The following TOP3A variants were observed in gnomAD, a reference collection of about 807,000 sequenced individuals.
TOP3A encodes DNA topoisomerase III alpha.
Under a neutral mutation model 111.3 loss-of-function variants are expected in TOP3A, and 64 were observed. That is an observed-to-expected ratio of 0.57 (90% confidence interval 0.47 to 0.71). TOP3A has a LOEUF of 0.71. Among genes scored for constraint, TOP3A ranks in the 30% least tolerant of loss-of-function variants. TOP3A has a pLI of 0.00. For missense variants in TOP3A, 1,104 were observed against 1,285.0 expected (o/e 0.86, Z 2.15); for synonymous variants, 484 against 485.1 (o/e 1.00, Z 0.03).
intron 13 of TOP3A, among the ~76,000 whole-genome samples, chr17:18,288,201 G>A (rs1369227905): frequency 2.4e-4 from 33 of 136,590 alleles, no homozygotes; most frequent in Admixed American, 1.6e-3. Context: ...CACCAAGGCT[G>A]AAGTGCAGTG....
At chr17:18,282,936 G>A (rs1406005654) in intron 15 of TOP3A, 95 bp from the exon 16 acceptor site, 7 of 1,510,136 alleles carry the variant, frequency 4.6e-6, no homozygotes, top group Non-Finnish European at 4.5e-6. Flanking sequence ...GTGACCTTGA[G>A]AACCAGCTGG....
chr17:18,295,954 A>G (rs895414130), intron 9 of TOP3A, among the ~76,000 whole-genome samples: 1 of 150,756 alleles, frequency 6.6e-6, no homozygotes, highest in African/African-American at 2.4e-5. Flanking sequence ...TTTTTAGTAG[A>G]GACAGGGTTT....
At chr17:18,297,698 T>G (rs1290805164) in intron 9 of TOP3A, among the ~76,000 whole-genome samples, 4 of 151,994 alleles carry the variant, frequency 2.6e-5, no homozygotes, top group African/African-American at 9.7e-5. Flanking sequence ...GTGCCGGGAT[T>G]GCAGACGGAG....
Position 18,273,220 on chromosome 17 carries a change from C to T in TOP3A, c.*1582G>A, listed in dbSNP as rs1979106354. On this transcript the variant is annotated 3_prime_UTR_variant, in exon 19 of 19. Coordinates refer to ENST00000321105, the MANE Select transcript of TOP3A (RefSeq NM_004618.5). ...TCCTAGTTTCTTCAACAACTAGCAACATGACTGGGCAACTCACACCCACCT... is the reference window on the plus strand; with the variant it reads ...TCCTAGTTTCTTCAACAACTAGCAATATGACTGGGCAACTCACACCCACCT... 1.3e-5 allele frequency: 2 copies of T among 152,258 alleles called. No individual in the cohort carries two copies. Among genetic ancestry groups the T allele is most frequent in the African/African-American group, 2.4e-5 (1 of 41,460 alleles). The allele number at this position is 152,258 out of a possible 1,614,324, so 9.4% of individuals were successfully genotyped here. A position where few individuals can be genotyped will look rare whatever the true frequency, so the allele number is the denominator to read the frequency against.
chr17:18,309,567 C>T (rs1374471445), intron 1 of TOP3A, among the ~76,000 whole-genome samples: 1 of 151,776 alleles, frequency 6.6e-6, no homozygotes, highest in African/African-American at 2.4e-5. Flanking sequence ...TCACTTGAGC[C>T]CAGGAGGTGG....
rs1253924932 is a variant in TOP3A at position 18,274,601 on chromosome 17, A to G, written c.*201T>C. 6 of 819,218 alleles carry G rather than the reference A, an allele frequency of 7.3e-6. No individual in the cohort carries two copies. The African/African-American group carries it at 8.6e-5, about 12-fold the overall frequency. The allele number at this position is 819,218 out of a possible 1,614,324, so 50.7% of individuals were successfully genotyped here. On this transcript the variant is annotated 3_prime_UTR_variant, in exon 19 of 19. Coordinates refer to ENST00000321105, the MANE Select transcript of TOP3A (RefSeq NM_004618.5). ...ATGGTCACTCCTGAGGCCTGGGAAG[A>G]GGGTCACTGTCCAGCAGAGCTGGCC...
intron 18 of TOP3A, among the ~76,000 whole-genome samples, chr17:18,275,979 A>C (rs775724035): frequency 6.6e-6 from 1 of 152,150 alleles, no homozygotes; most frequent in Non-Finnish European, 1.5e-5. Flanking sequence ...TTATACAGCC[A>C]TGTACACCCC....
At chr17:18,296,222 T>C (rs1047194081) in intron 9 of TOP3A, among the ~76,000 whole-genome samples, 9 of 152,192 alleles carry the variant, frequency 5.9e-5, no homozygotes, top group Admixed American at 4.6e-4. Context: ...CTAACAATGC[T>C]GATGACTATA....
At chr17:18,282,588 C>T in intron 16 of TOP3A, 110 bp downstream of exon 16, 1 of 1,501,184 alleles carries the variant, frequency 6.7e-7, no homozygotes, top group South Asian at 1.2e-5. Context: ...TTGGCAACAA[C>T]AGGCCTGTCT....
At position 18,299,337 on chromosome 17, in the gene TOP3A, G is replaced by C. The variant is rs576200321; in HGVS notation, c.990+222C>G. Reference sequence around the variant, plus strand: ...TCCCAGCTACTTGGGAGGCTGAGGTGGGAAGATCTCTTGAGCCCAGAAGTT... The same window carrying C: ...TCCCAGCTACTTGGGAGGCTGAGGTCGGAAGATCTCTTGAGCCCAGAAGTT... On this transcript the variant is annotated intron_variant, in intron 9 of 18. Coordinates refer to ENST00000321105, the MANE Select transcript of TOP3A (RefSeq NM_004618.5). Among the ~76,000 whole-genome samples the C allele has an allele frequency of 8.5e-5, 13 of 152,198 alleles. No individual in the cohort carries two copies. The South Asian group carries it at 2.7e-3, about 32-fold the overall frequency.
chr17:18,301,883 A>G lies in TOP3A; in HGVS notation c.915+2T>C, dbSNP rs762364976. On this transcript the variant is annotated splice_donor_variant, in intron 8 of 18. Transcript: ENST00000321105. LOFTEE classifies it high-confidence loss of function. ...GTTTCCTAGATCATTAGGGGTTCTT[A>G]CCTCCACACACAACTGATAGAGAAC... The G allele has an allele frequency of 3.7e-6, 6 of 1,613,216 alleles. No individual in the cohort carries two copies. The South Asian group carries it at 6.6e-5, about 18-fold the overall frequency.
chr17:18,312,544 G>T, intron 1 of TOP3A: 1 of 168,758 alleles, frequency 5.9e-6, no homozygotes, highest in South Asian at 1.5e-4. Context: ...AAATTACAAC[G>T]ACATATGAGA....
intron 9 of TOP3A, among the ~76,000 whole-genome samples, chr17:18,298,825 T>C (rs1031185765): frequency 1.3e-5 from 2 of 152,198 alleles, no homozygotes; most frequent in Non-Finnish European, 2.9e-5. Flanking sequence ...CAGTGCAAGA[T>C]GTGCTTTGTT....
intron 16 of TOP3A, 117 bp from the exon 17 acceptor site, chr17:18,280,775 G>T (rs1979711323): frequency 1.7e-6 from 2 of 1,187,272 alleles, no homozygotes; most frequent in Admixed American, 2.2e-5. Context: ...TTTTCTGGAT[G>T]ACACTTAACT....
At chr17:18,276,515 CAT>C (rs1169752894) in intron 18 of TOP3A, among the ~76,000 whole-genome samples, 2 of 152,240 alleles carry the variant, frequency 1.3e-5, no homozygotes, top group Non-Finnish European at 2.9e-5. Flanking sequence ...GCTAGTGACA[CAT>C]GTGTAAGAAT....
At position 18,287,579 on chromosome 17, in the gene TOP3A, G is replaced by T. The variant is rs138745095; in HGVS notation, c.1598-2059C>A. On this transcript the variant is annotated intron_variant, in intron 13 of 18. Transcript: ENST00000321105. ...CCCAACAAAAAAATTAGCTGGGTATGGCAACACATGCCTGTAGTCCCAGCT... is the reference window on the plus strand; with the variant it reads ...CCCAACAAAAAAATTAGCTGGGTATTGCAACACATGCCTGTAGTCCCAGCT... 2.0e-5 allele frequency among the ~76,000 whole-genome samples: 3 copies of T among 152,020 alleles called. No homozygotes were observed. The East Asian group carries it at 5.8e-4, about 30-fold the overall frequency.
chr17:18,295,475 A>T (rs1401497235), intron 9 of TOP3A, among the ~76,000 whole-genome samples: 2 of 148,736 alleles, frequency 1.3e-5, no homozygotes, highest in Non-Finnish European at 3.0e-5. Context: ...AAATTTTTTT[A>T]TTTTCGAGAC....
In TOP3A at chr17:18,283,391, A is replaced by G. The variant is rs1567736773; in HGVS notation, c.1878-550T>C. Among the ~76,000 whole-genome samples, 2 of 152,088 alleles carry G rather than the reference A, an allele frequency of 1.3e-5. No individual in the cohort carries two copies. Among genetic ancestry groups the G allele is most frequent in the South Asian group, 2.1e-4 (1 of 4,824 alleles). On this transcript the variant is annotated intron_variant, in intron 15 of 18. Coordinates refer to ENST00000321105, the MANE Select transcript of TOP3A (RefSeq NM_004618.5). ...TCTCAAAAAAAAAAAGTAAAACTGC[A>G]CAGGGTCCATGTACAAACTCCAGGA... is the stretch of plus-strand genomic sequence containing the variant.
At chr17:18,282,910 C>A in intron 15 of TOP3A, 69 bp from the exon 16 acceptor site, 1 of 1,590,650 alleles carries the variant, frequency 6.3e-7, no homozygotes, top group African/African-American at 1.3e-5. Flanking sequence ...AACACTCTTA[C>A]ATGCACACAA....
Sources: allele counts gnomAD v4.1 joint callset (sites outside exome capture counted in the v4.1 genomes callset), GRCh38; gene constraint gnomAD v4.1.1; transcripts MANE v1.5; gene names NCBI Gene and HGNC (gene_info 2026-07-23, HGNC 2026-07-21).